The following ABHD2 variants were observed in gnomAD, a reference collection of about 807,000 sequenced individuals.
ABHD2 encodes abhydrolase domain containing 2, acylglycerol lipase, also known as monoacylglycerol lipase ABHD2.
In ABHD2, 20 loss-of-function variants were observed where a neutral mutation model predicts 48.1. The ratio of observed to expected loss-of-function variants is 0.42; its 90% CI spans 0.29 to 0.60. ABHD2 has a LOEUF of 0.60. ABHD2 is among the 20% of genes least tolerant of loss of function. The probability of loss-of-function intolerance (pLI) is 0.24; values close to 1 mark genes in which losing one functional copy is unlikely to be tolerated. For synonymous variants in ABHD2, 209 were observed against 214.2 expected (o/e 0.98, Z 0.21); for missense variants, 405 against 550.9 (o/e 0.74, Z 2.65).
chr15:89,110,657 G>C (rs1047111615), intron 1 of ABHD2, among the ~76,000 whole-genome samples: 2 of 152,200 alleles, frequency 1.3e-5, no homozygotes, highest in African/African-American at 4.8e-5. Context: ...TGAAACTCCA[G>C]GGAGTACCCC....
the ABHD2 span, among the ~76,000 whole-genome samples, chr15:89,045,389 C>G: frequency 2.6e-5 from 4 of 151,760 alleles, no homozygotes; most frequent in Admixed American, 1.3e-4. Context: ...GCGATGCAGG[C>G]TCTTTTTTGG....
At chr15:89,099,297 T>C (rs1026597183) in intron 1 of ABHD2, among the ~76,000 whole-genome samples, 2 of 152,212 alleles carry the variant, frequency 1.3e-5, no homozygotes, top group Admixed American at 6.5e-5. Context: ...TGTTCCTTCA[T>C]TTAAAGTTAT....
At chr15:89,191,218 C>G in intron 9 of ABHD2, 69 bp downstream of exon 9, 2 of 1,505,046 alleles carry the variant, frequency 1.3e-6, no homozygotes, top group Non-Finnish European at 1.8e-6. Context: ...CGACAGATAC[C>G]TCTCCTGAAT....
In ABHD2 at chr15:89,195,267, G is replaced by T. The variant is rs760434406; in HGVS notation, c.1122G>T (p.Gly374=). 3 of 1,614,182 alleles carry T rather than the reference G, an allele frequency of 1.9e-6. No individual in the cohort carries two copies. The South Asian group carries it at 3.3e-5, about 18-fold the overall frequency. ...ENVMFVLPLH[G]GHLGFFEGSV... is the part of the protein sequence containing the mutation. The stretch of plus-strand genomic sequence containing the variant: ...TCATGTTTGTGCTGCCTCTGCATGG[G>T]GGCCACTTGGGCTTCTTTGAGGGCT... Residue 374 remains glycine (G), a synonymous_variant, in exon 11 of 11, where the codon GGG becomes GGT. Coordinates refer to ENST00000352732, the MANE Select transcript of ABHD2 (RefSeq NM_152924.5). This position sits in a 1 kb window ranked among gnomAD's most constrained non-coding sequence, Gnocchi z 5.1.
chr15:89,056,621 C>T, the ABHD2 span, among the ~76,000 whole-genome samples: 13 of 151,870 alleles, frequency 8.6e-5, no homozygotes, highest in South Asian at 2.1e-4. Context: ...CCAGCCTGGG[C>T]GACAGAGCAA....
At chr15:89,123,615 T>G (rs2050087278) in intron 3 of ABHD2, among the ~76,000 whole-genome samples, 1 of 102,248 alleles carries the variant, frequency 9.8e-6, no homozygotes, top group East Asian at 2.3e-4. Context: ...TTTTTTTTTT[T>G]GAGACAATGT....
In ABHD2 at chr15:89,177,611, A is replaced by G. The variant is rs890004860; in HGVS notation, c.722+1616A>G. ...TCTCCAGCTGCTCTCGCGTTCCAGG[A>G]CCAGGCTAGTCCCCCATCTTCCTAC... On this transcript the variant is annotated intron_variant, in intron 6 of 10. Coordinates refer to ENST00000352732, the MANE Select transcript of ABHD2 (RefSeq NM_152924.5). The surrounding 1 kb of genome is among the most constrained non-coding windows in gnomAD (Gnocchi z 5.6). Among the ~76,000 whole-genome samples the G allele has an allele frequency of 1.3e-5, 2 of 152,038 alleles. No homozygotes were observed. Among genetic ancestry groups the G allele is most frequent in the Non-Finnish European group, 2.9e-5 (2 of 68,014 alleles).
At chr15:89,078,355 A>G in the ABHD2 span, among the ~76,000 whole-genome samples, 1 of 152,248 alleles carries the variant, frequency 6.6e-6, no homozygotes, top group Non-Finnish European at 1.5e-5. Context: ...TAACTGTGAA[A>G]AGAAAATAAA....
chr15:89,082,756 T>C (rs1180351666), upstream of ABHD2: 1 of 152,254 alleles, frequency 6.6e-6, no homozygotes, highest in African/African-American at 2.4e-5. This position sits in a 1 kb window ranked among gnomAD's most constrained non-coding sequence, Gnocchi z 4.4. Flanking sequence ...TAGTATTAGA[T>C]GTCTTGCTCA....
the ABHD2 span, among the ~76,000 whole-genome samples, chr15:89,049,888 T>A: frequency 6.6e-6 from 1 of 152,186 alleles, no homozygotes; most frequent in African/African-American, 2.4e-5. Flanking sequence ...CTGGAGCTGT[T>A]CCTATTCGGC....
intron 5 of ABHD2, among the ~76,000 whole-genome samples, chr15:89,156,343 G>A (rs533143747): frequency 2.5e-4 from 38 of 150,984 alleles, no homozygotes; most frequent in African/African-American, 8.5e-4. Flanking sequence ...GGATGGTCTC[G>A]ATCTCCTGAC....
chr15:89,161,901 TCAGGGTGTCAG>T (rs2050767962), intron 5 of ABHD2, among the ~76,000 whole-genome samples: 1 of 152,194 alleles, frequency 6.6e-6, no homozygotes, highest in Non-Finnish European at 1.5e-5. Flanking sequence ...AAGTCCCAGA[TCAGGGTGTCAG>T]CAGGGTTGGT....
rs1449574261 is a variant in ABHD2, at chr15:89,173,434, A to G, written c.539-2378A>G. 6.6e-6 allele frequency among the ~76,000 whole-genome samples: 1 copy of G among 152,152 alleles called. No homozygotes were observed. The highest frequency in any genetic ancestry group is 1.5e-5 in the Non-Finnish European group (1 of 68,028). ...CTAAAAATACAAAAATTAGCTGGACATGGTGGCACATGCCTGTAACCCCAG... is the reference window on the plus strand; with the variant it reads ...CTAAAAATACAAAAATTAGCTGGACGTGGTGGCACATGCCTGTAACCCCAG... On this transcript the variant is annotated intron_variant, in intron 5 of 10. Transcript: ENST00000352732. This position sits in a 1 kb window ranked among gnomAD's most constrained non-coding sequence, Gnocchi z 6.5.
intron 1 of ABHD2, chr15:89,090,175 G>A (rs997471888): frequency 2.6e-5 from 4 of 152,168 alleles, no homozygotes; most frequent in Non-Finnish European, 4.4e-5. Flanking sequence ...ACAGATTTTG[G>A]TGCCTGAGTG....
intron 3 of ABHD2, among the ~76,000 whole-genome samples, chr15:89,132,742 A>G (rs939738555): frequency 3.9e-5 from 6 of 152,158 alleles, no homozygotes; most frequent in Middle Eastern, 3.2e-3. Flanking sequence ...TGTCCTTTAT[A>G]TGTAAAGAGA....
At chr15:89,194,188 G>T (rs780131135) in intron 10 of ABHD2, among the ~76,000 whole-genome samples, 1 of 152,054 alleles carries the variant, frequency 6.6e-6, no homozygotes, top group Non-Finnish European at 1.5e-5. Flanking sequence ...CTCTCCATCT[G>T]CTTGAAACAT....
At chr15:89,068,793 G>T in the ABHD2 span, among the ~76,000 whole-genome samples, 84 of 86,896 alleles carry the variant, frequency 9.7e-4, no homozygotes, top group African/African-American at 4.1e-3. Context: ...TGTCAAGAGG[G>T]AGTCTCTCTC....
intron 5 of ABHD2, among the ~76,000 whole-genome samples, chr15:89,165,059 A>T (rs2050817354): frequency 6.6e-6 from 1 of 152,236 alleles, no homozygotes; most frequent in Non-Finnish European, 1.5e-5. Flanking sequence ...CTTTGAGCTC[A>T]GTCTGAGTTA....
In ABHD2 at chr15:89,176,258, T is replaced by C. The variant is rs932810552; in HGVS notation, c.722+263T>C. Among the ~76,000 whole-genome samples, 2 of 152,132 alleles carry C rather than the reference T, an allele frequency of 1.3e-5. No homozygotes were observed. Among genetic ancestry groups the C allele is most frequent in the Non-Finnish European group, 2.9e-5 (2 of 68,032 alleles). Reference sequence around the variant, plus strand: ...GTAAAACCCCCTTTGATAGTTGCTGTCTCCTAGGGAATCTCTGTCAGGTGA... The same window carrying C: ...GTAAAACCCCCTTTGATAGTTGCTGCCTCCTAGGGAATCTCTGTCAGGTGA... On this transcript the variant is annotated intron_variant, in intron 6 of 10. Transcript: ENST00000352732. The surrounding 1 kb of genome is among the most constrained non-coding windows in gnomAD (Gnocchi z 4.5).
Sources: gnomAD v4.1 joint callset for allele counts (sites outside exome capture counted in the v4.1 genomes callset) on GRCh38, gnomAD v4.1.1 for gene constraint, Gnocchi (gnomAD v3.1) non-coding constraint, MANE v1.5 for transcripts, NCBI Gene and HGNC (gene_info 2026-07-23, HGNC 2026-07-21) for gene names.